CAPN2: variants seen among roughly 807,000 people sequenced by gnomAD.
CAPN2 encodes calpain 2.
Under a neutral mutation model 102.3 loss-of-function variants are expected in CAPN2, and 92 were observed. The ratio of observed to expected loss-of-function variants is 0.90; its 90% confidence interval spans 0.76 to 1.07. The LOEUF (loss-of-function observed/expected upper bound fraction) is 1.07, where lower values mean the gene tolerates loss of function less well. Ranked by LOEUF, CAPN2 falls within the 50% of genes least tolerant of loss-of-function variation. The pLI is 0.00. For synonymous variants in CAPN2, 340 were observed against 355.4 expected (o/e 0.96, Z 0.49); for missense variants, 800 against 909.4 (o/e 0.88, Z 1.55).
At chr1:223,730,775 C>T (rs1487051112) in intron 2 of CAPN2, among the ~76,000 whole-genome samples, 1 of 152,200 alleles carries the variant, frequency 6.6e-6, no homozygotes, top group Non-Finnish European at 1.5e-5. Context: ...TTGGAATCCC[C>T]TTGACTAAGG....
chr1:223,737,711 G>A (rs1359066227), intron 2 of CAPN2, among the ~76,000 whole-genome samples: 2 of 30,786 alleles, frequency 6.5e-5, no homozygotes, highest in Non-Finnish European at 1.0e-4. Context: ...ACGGGGCGGG[G>A]GGTGGGGGGG....
intron 5 of CAPN2, among the ~76,000 whole-genome samples, chr1:223,747,537 A>G (rs1660778392): frequency 6.6e-6 from 1 of 152,136 alleles, no homozygotes; most frequent in African/African-American, 2.4e-5. Flanking sequence ...GGGCTTAAAG[A>G]ACATAAATGG....
chr1:223,769,885 C>A lies in CAPN2; in HGVS notation c.1800C>A (p.Leu600=). The change falls in exon 17 of 21, where the codon CTC becomes CTA. Residue 600 remains leucine (L), a synonymous_variant. Coordinates refer to ENST00000295006, the MANE Select transcript of CAPN2 (RefSeq NM_001748.5). ...TGGGGCTGAAGGAGTTCTACATTCTCTGGACGAAGATTCAAAAATACCAAG... is the reference window on the plus strand; with the variant it reads ...TGGGGCTGAAGGAGTTCTACATTCTATGGACGAAGATTCAAAAATACCAAG... ...GKLGLKEFYI[L]WTKIQKYQKI... is the part of the protein sequence containing the mutation. The A allele has an allele frequency of 6.2e-7, 1 of 1,606,718 alleles. No individual in the cohort carries two copies. The highest frequency in any genetic ancestry group is 2.2e-5 in the East Asian group (1 of 44,702).
At chr1:223,711,306 C>T (rs994960436), upstream of CAPN2, among the ~76,000 whole-genome samples, 2 of 152,168 alleles carry the variant, frequency 1.3e-5, no homozygotes, top group Non-Finnish European at 2.9e-5. Context: ...TTCTGCCCAT[C>T]TGCATTTCTT....
intron 1 of CAPN2, among the ~76,000 whole-genome samples, chr1:223,702,325 G>A (rs1214782632): frequency 6.6e-6 from 1 of 151,996 alleles, no homozygotes; most frequent in African/African-American, 2.4e-5. Context: ...TACTAGGGAG[G>A]CTAAGGCAGG....
intron 14 of CAPN2, 60 bp downstream of exon 14, chr1:223,762,311 G>C: frequency 1.5e-6 from 2 of 1,338,960 alleles, no homozygotes; most frequent in Non-Finnish European, 2.1e-6. Context: ...GAGACAGTGT[G>C]TGTCCCCAAG....
chr1:223,759,286 A>G lies in CAPN2; in HGVS notation c.1334A>G (p.Asn445Ser). 3 of 1,614,182 alleles carry G rather than the reference A, an allele frequency of 1.9e-6. No homozygotes were observed. Among genetic ancestry groups the G allele is most frequent in the South Asian group, 1.1e-5 (1 of 91,088 alleles). The change falls in exon 12 of 21, where the codon AAC becomes AGC. Residue 445 changes from asparagine to serine, a missense_variant. By Grantham distance (46) the Asn-to-Ser change is conservative. Coordinates refer to ENST00000295006, the MANE Select transcript of CAPN2 (RefSeq NM_001748.5). The surrounding 1 kb of genome is among the most constrained non-coding windows in gnomAD (Gnocchi z 4.6). ...ATTCCTCAGTTAAGTGGGCAGACCA[A>G]CATCCACCTCAGCAAAAACTTCTTC... ...EVPEELSGQT[N>S]IHLSKNFFLT...
intron 2 of CAPN2, among the ~76,000 whole-genome samples, chr1:223,742,676 C>A (rs1471467726): frequency 7.0e-6 from 1 of 143,274 alleles, no homozygotes; most frequent in Non-Finnish European, 1.5e-5. Context: ...TCTACCACCA[C>A]ACCTGGCAAA....
chr1:223,713,986 G>C (rs1188563112), intron 1 of CAPN2, among the ~76,000 whole-genome samples: 2 of 152,150 alleles, frequency 1.3e-5, no homozygotes, highest in Non-Finnish European at 2.9e-5. Context: ...CCTCCTTTCA[G>C]TCTCTCAAAG....
intron 2 of CAPN2, among the ~76,000 whole-genome samples, chr1:223,724,297 G>A (rs1660135001): frequency 6.6e-6 from 1 of 152,162 alleles, no homozygotes; most frequent in Non-Finnish European, 1.5e-5. Flanking sequence ...GTTCCATGAG[G>A]TCTGTTGGGG....
chr1:223,755,736 G>A lies in CAPN2; in HGVS notation c.1305+87G>A, dbSNP rs187176571. ...AAAGCTGACCCCAGAGGCAGAACTG[G>A]GGATGGGATCCCAGACCGGGAGCTT... On this transcript the variant is annotated intron_variant, in intron 10 of 20. Transcript: ENST00000295006. This position sits in a 1 kb window ranked among gnomAD's most constrained non-coding sequence, Gnocchi z 4.1. 6.8e-6 allele frequency: 9 copies of A among 1,314,066 alleles called. No individual in the cohort carries two copies. In the Admixed American group the frequency reaches 1.9e-4, roughly 28 times the overall value. The allele number at this position is 1,314,066 out of a possible 1,614,324, so 81.4% of individuals were successfully genotyped here.
intron 4 of CAPN2, among the ~76,000 whole-genome samples, chr1:223,746,475 C>CTTTTTTTTTTTTTTTTTTTTT (rs60366533): frequency 9.2e-6 from 1 of 108,496 alleles, no homozygotes. Flanking sequence ...CTACGAGAAT[C>CTTTTTTTTTTTTTTTTTTTTT]TTTTTTTTTT....
intron 2 of CAPN2, among the ~76,000 whole-genome samples, chr1:223,739,773 C>T (rs969310057): frequency 2.0e-5 from 3 of 152,202 alleles, no homozygotes; most frequent in Non-Finnish European, 4.4e-5. Flanking sequence ...ATCCATATGG[C>T]AACATTCCAG....
At chr1:223,753,636 T>C (rs1660960946) in intron 9 of CAPN2, among the ~76,000 whole-genome samples, 1 of 134,700 alleles carries the variant, frequency 7.4e-6, no homozygotes, top group South Asian at 2.1e-4. Context: ...AATCTGAAAA[T>C]GTGAAATCTG....
At chr1:223,730,441 A>T (rs1408789038) in intron 2 of CAPN2, among the ~76,000 whole-genome samples, 1 of 151,780 alleles carries the variant, frequency 6.6e-6, no homozygotes, top group Non-Finnish European at 1.5e-5. Context: ...GGAAGCCAAA[A>T]GATTGGACAC....
chr1:223,709,415 C>CT (rs1483104087), upstream of CAPN2, among the ~76,000 whole-genome samples: 1 of 152,134 alleles, frequency 6.6e-6, no homozygotes, highest in East Asian at 1.9e-4. Context: ...AATCCCAGCA[C>CT]TTTGGGAGGC....
rs533232451 is a variant in CAPN2, at chr1:223,702,880, G to A, written c.3+1049G>A. Among the ~76,000 whole-genome samples, 18 of 152,262 alleles carry A rather than the reference G, an allele frequency of 1.2e-4. No individual in the cohort carries two copies. The East Asian group carries it at 1.5e-3, about 13-fold the overall frequency. ...ATTGAGAAAGAACAGCCAGGAAGGT[G>A]GAAGAAAAACCAGGAGAAGGAGGGG... On this transcript the variant is annotated intron_variant, in intron 1 of 20. Coordinates refer to the CAPN2 transcript ENST00000433674.
intron 2 of CAPN2, among the ~76,000 whole-genome samples, chr1:223,737,375 G>A (rs1441799027): frequency 6.6e-6 from 1 of 152,178 alleles, no homozygotes; most frequent in Non-Finnish European, 1.5e-5. Context: ...TCCAGGCAGG[G>A]CCTCATCTGC....
chr1:223,764,274 A>G (rs1409887849), intron 15 of CAPN2, 67 bp downstream of exon 15: 1 of 1,374,454 alleles, frequency 7.3e-7, no homozygotes, highest in Non-Finnish European at 1.0e-6. Flanking sequence ...GAACATGGAA[A>G]TCTTTCCCCC....
Sources: gnomAD v4.1 joint callset for allele counts (sites outside exome capture counted in the v4.1 genomes callset) on GRCh38, gnomAD v4.1.1 for gene constraint, Gnocchi (gnomAD v3.1) non-coding constraint, MANE v1.5 for transcripts, NCBI Gene and HGNC (gene_info 2026-07-23, HGNC 2026-07-21) for gene names.